The following CTBS variants were observed in gnomAD, a reference collection of about 807,000 sequenced individuals.
CTBS encodes di-N-acetylchitobiase.
CTBS carries 35 observed loss-of-function variants against 44.3 expected under a neutral mutation model. The observed-to-expected ratio is 0.79, with a 90% confidence interval of 0.60 to 1.05. The LOEUF is 1.05. Among genes scored for constraint, CTBS ranks in the 50% least tolerant of loss-of-function variants. The pLI is 0.00. For synonymous variants in CTBS, 143 were observed against 168.0 expected (o/e 0.85, Z 1.15); for missense variants, 458 against 475.3 (o/e 0.96, Z 0.34).
chr1:84,560,261 T>A (rs1440377087), intron 6 of CTBS, among the ~76,000 whole-genome samples: 2 of 152,106 alleles, frequency 1.3e-5, no homozygotes, highest in Admixed American at 1.3e-4. Flanking sequence ...CACCACCACC[T>A]TTCTGTGTAA....
chr1:84,559,448 A>G (rs1191156158), intron 6 of CTBS, among the ~76,000 whole-genome samples: 1 of 151,922 alleles, frequency 6.6e-6, no homozygotes, highest in African/African-American at 2.4e-5. Context: ...TGGTGAAACC[A>G]CATCTCTACT....
chr1:84,557,782 C>T (rs1348324891), intron 6 of CTBS, among the ~76,000 whole-genome samples: 1 of 147,190 alleles, frequency 6.8e-6, no homozygotes, highest in Admixed American at 6.8e-5. Context: ...GGCGTGAACC[C>T]GGGAGGCGGA....
intron 5 of CTBS, 73 bp downstream of exon 5, chr1:84,563,662 T>C: frequency 1.1e-6 from 1 of 920,460 alleles, no homozygotes. Context: ...GTTTATATAT[T>C]TCTAATGAAA....
rs540959815 is a variant in CTBS at position 84,550,434 on chromosome 1, T to C, written c.*4565A>G. On this transcript the variant is annotated 3_prime_UTR_variant, in exon 7 of 7. Transcript: ENST00000370630. Reference sequence around the variant, plus strand: ...TAAATATCTATCTATCCACACAGAATTACCTAATAATCCAGATCACTGAGG... The same window carrying C: ...TAAATATCTATCTATCCACACAGAACTACCTAATAATCCAGATCACTGAGG... 1.3e-6 allele frequency: 2 copies of C among 1,513,226 alleles called. No individual in the cohort carries two copies. Among genetic ancestry groups the C allele is most frequent in the African/African-American group, 1.4e-5 (1 of 70,990 alleles). The allele number at this position is 1,513,226 out of a possible 1,614,324, so 93.7% of individuals were successfully genotyped here. A position where few individuals can be genotyped will look rare whatever the true frequency, so the allele number is the denominator to read the frequency against.
intron 6 of CTBS, among the ~76,000 whole-genome samples, chr1:84,559,881 T>C (rs1684553745): frequency 6.6e-6 from 1 of 151,684 alleles, no homozygotes; most frequent in Non-Finnish European, 1.5e-5. Context: ...GGTCAGGAGT[T>C]TGAGACCAGA....
In CTBS at chr1:84,570,143, T is replaced by C. The variant is rs372010205; in HGVS notation, c.317-4A>G. The C allele has an allele frequency of 2.7e-5, 44 of 1,606,156 alleles. No individual in the cohort carries two copies. In the African/African-American group the frequency reaches 4.4e-4, roughly 16 times the overall value. On this transcript the variant is annotated splice_polypyrimidine_tract_variant and splice_region_variant and intron_variant, in intron 2 of 6. Coordinates refer to ENST00000370630, the MANE Select transcript of CTBS (RefSeq NM_004388.3). ...ATATCCTTTAAGGATACATCTCCTG[T>C]GGAAGAAGTATATATCTTTTGAACA... is the stretch of plus-strand genomic sequence containing the variant.
intron 1 of CTBS, chr1:84,573,782 T>C (rs1015578609): frequency 3.7e-5 from 23 of 615,840 alleles, no homozygotes; most frequent in Non-Finnish European, 4.7e-5. Context: ...TTTGAGGTAC[T>C]TTAAAGGAAA....
chr1:84,557,812 C>T (rs1228881986), intron 6 of CTBS, among the ~76,000 whole-genome samples: 2 of 150,234 alleles, frequency 1.3e-5, no homozygotes, highest in Non-Finnish European at 3.0e-5. Context: ...GAGCCAAGAT[C>T]GCGCCACTGC....
At chr1:84,564,761 T>C (rs1456053913) in intron 4 of CTBS, among the ~76,000 whole-genome samples, 1 of 152,174 alleles carries the variant, frequency 6.6e-6, no homozygotes, top group East Asian at 1.9e-4. Flanking sequence ...TAAATAGGTA[T>C]GTGGCTAGGC....
Position 84,550,528 on chromosome 1 carries a change from A to G in CTBS, c.*4471T>C. On this transcript the variant is annotated 3_prime_UTR_variant, in exon 7 of 7. Transcript: ENST00000370630. ...CAAAATGAAACTCATAGTAGAAGTT[A>G]AGGTAATTTACATTTTTCCTAATCA... The G allele has an allele frequency of 6.5e-7, 1 of 1,527,276 alleles. No homozygotes were observed. Among genetic ancestry groups the G allele is most frequent in the Non-Finnish European group, 8.8e-7 (1 of 1,135,024 alleles). 94.6% of individuals were successfully genotyped at this position (1,527,276 alleles called of 1,614,324 possible).
chr1:84,562,558 A>G (rs186675393), intron 6 of CTBS, among the ~76,000 whole-genome samples: 14 of 152,324 alleles, frequency 9.2e-5, no homozygotes, highest in Admixed American at 7.8e-4. Flanking sequence ...ACATAATCTG[A>G]AATAAATTCA....
chr1:84,554,843 G>A lies in CTBS; in HGVS notation c.*156C>T. The A allele has an allele frequency of 1.6e-6, 1 of 608,780 alleles. No homozygotes were observed. 37.7% of individuals were successfully genotyped at this position (608,780 alleles called of 1,614,324 possible). On this transcript the variant is annotated 3_prime_UTR_variant, in exon 7 of 7. Transcript: ENST00000370630. ...GTTCCTGGATACTGAGGACATTCGT[G>A]TGTATTTTTCAAATTCAAACAATCA...
At chr1:84,570,780 AAT>A (rs1219773350) in intron 1 of CTBS, 60 bp from the exon 2 acceptor site, 7 of 1,532,114 alleles carry the variant, frequency 4.6e-6, no homozygotes, top group Non-Finnish European at 5.4e-6. Context: ...GACCGTCCAA[AAT>A]ACCGTTCATC....
Position 84,563,280 on chromosome 1 carries a change from G to C in CTBS, c.934C>G (p.Arg312Gly). 6.4e-7 allele frequency: 1 copy of C among 1,565,860 alleles called. No individual in the cohort carries two copies. The highest frequency in any genetic ancestry group is 8.6e-7 in the Non-Finnish European group (1 of 1,157,206). ...ISGNLWDKDQ[R>G]APYYNYKDPA... ...ACTTTATAGTTATAATAAGGAGCCC[G>C]CTGATCTTTATCCCATAGGTTTCCA... The change falls in exon 6 of 7, where the codon CGG becomes GGG. Residue 312 changes from arginine to glycine, a missense_variant. Transcript: ENST00000370630.
At chr1:84,557,927 C>G (rs1684496036) in intron 6 of CTBS, among the ~76,000 whole-genome samples, 1 of 151,476 alleles carries the variant, frequency 6.6e-6, no homozygotes, top group African/African-American at 2.4e-5. Context: ...AAATGGCCTT[C>G]AATGCGCACC....
At position 84,551,599 on chromosome 1, in the gene CTBS, T is replaced by C. The variant is rs1459398626; in HGVS notation, c.*3400A>G. 6.6e-6 allele frequency: 1 copy of C among 152,172 alleles called. No individual in the cohort carries two copies. The highest frequency in any genetic ancestry group is 1.5e-5 in the Non-Finnish European group (1 of 68,040). The allele number at this position is 152,172 out of a possible 1,614,324, so 9.4% of individuals were successfully genotyped here. A position where few individuals can be genotyped will look rare whatever the true frequency, so the allele number is the denominator to read the frequency against. On this transcript the variant is annotated 3_prime_UTR_variant, in exon 7 of 7. Coordinates refer to ENST00000370630, the MANE Select transcript of CTBS (RefSeq NM_004388.3). ...TACATATGGCAACTGGCTTCTACTA[T>C]ACTGGACAGTGCAGTTCTAGATTCT...
chr1:84,570,201 C>A, intron 2 of CTBS, 62 bp from the exon 3 acceptor site: 1 of 1,424,316 alleles, frequency 7.0e-7, no homozygotes, highest in Non-Finnish European at 9.7e-7. Context: ...TTTTGGAAGA[C>A]TAAGCCCTTA....
rs768929698 is a variant in CTBS at position 84,555,118 on chromosome 1, G to A, written c.1039C>T (p.Arg347Cys). 32 of 1,613,702 alleles carry A rather than the reference G, an allele frequency of 2.0e-5. 1 individual carries two copies. In the South Asian group the frequency reaches 3.4e-4, roughly 17 times the overall value. Residue 347 changes from arginine (R) to cysteine (C), a missense_variant, in exon 7 of 7, where the codon CGC (arginine) becomes TGC (cysteine). Physicochemically the swap from Arg to Cys is radical, Grantham distance 180 (BLOSUM62 -3). Coordinates refer to ENST00000370630, the MANE Select transcript of CTBS (RefSeq NM_004388.3). ...SLKATYIQNY[R>C]LRGIGMWNAN... ...TTCCACATGCCAATGCCCCGTAAGC[G>A]ATAGTTTTGTATATATGTTGCCTTT...
chr1:84,573,916 C>T (rs1033178982), intron 1 of CTBS: 1 of 1,241,606 alleles, frequency 8.1e-7, no homozygotes. Context: ...ATTATCCTAC[C>T]TTGTTTGCTT....
Sources: allele counts gnomAD v4.1 joint callset (sites outside exome capture counted in the v4.1 genomes callset), GRCh38; gene constraint gnomAD v4.1.1; transcripts MANE v1.5; gene names NCBI Gene and HGNC (gene_info 2026-07-23, HGNC 2026-07-21).